Variants in ALK observed in about 807,000 individuals in gnomAD.
ALK encodes the protein ALK receptor tyrosine kinase, also known as ALK tyrosine kinase receptor.
Under a neutral mutation model 163.1 loss-of-function variants are expected in ALK, and 74 were observed. The observed-to-expected ratio is 0.45, with a 90% confidence interval of 0.38 to 0.55. The LOEUF (loss-of-function observed/expected upper bound fraction) is 0.55, where lower values mean the gene tolerates loss of function less well. Among genes scored for constraint, ALK ranks in the 20% least tolerant of loss-of-function variants. The pLI is 0.00. For missense variants in ALK, 2,063 were observed against 2,105.3 expected (o/e 0.98, Z 0.39); for synonymous variants, 960 against 843.2 (o/e 1.14, Z -2.40).
intron 4 of ALK, among the ~76,000 whole-genome samples, chr2:29,495,577 A>C (rs2148127840): frequency 6.6e-6 from 1 of 152,316 alleles, no homozygotes; most frequent in African/African-American, 2.4e-5. Flanking sequence ...CTCCCTGATT[A>C]GACTCACCTC....
At chr2:29,337,850 T>G (rs1667668588) in intron 5 of ALK, among the ~76,000 whole-genome samples, 1 of 152,168 alleles carries the variant, frequency 6.6e-6, no homozygotes, top group Non-Finnish European at 1.5e-5. Context: ...CAGTTTGTGT[T>G]GATGAGCTGC....
chr2:29,595,394 C>T (rs1451560568), intron 3 of ALK, among the ~76,000 whole-genome samples: 1 of 150,210 alleles, frequency 6.7e-6, no homozygotes, highest in African/African-American at 2.5e-5. Flanking sequence ...GATCTCGGCT[C>T]ACTGCAAGCT....
chr2:29,871,706 A>G (rs7572408), intron 1 of ALK, among the ~76,000 whole-genome samples: 70,514 of 151,962 alleles, frequency 0.46, 17,165 homozygotes, highest in African/African-American at 0.5. Context: ...CCCCTCCCCC[A>G]CAAAAATACA....
At chr2:29,277,815 A>G (rs1665586376) in intron 9 of ALK, among the ~76,000 whole-genome samples, 1 of 152,254 alleles carries the variant, frequency 6.6e-6, no homozygotes, top group Non-Finnish European at 1.5e-5. Flanking sequence ...CCACTCTGGC[A>G]CTGGGGTGTA....
At chr2:29,597,200 A>C (rs1412713507) in intron 3 of ALK, among the ~76,000 whole-genome samples, 1 of 152,216 alleles carries the variant, frequency 6.6e-6, no homozygotes, top group Non-Finnish European at 1.5e-5. Context: ...GATTGGAAGG[A>C]AAGGGAAAGT....
intron 1 of ALK, among the ~76,000 whole-genome samples, chr2:29,801,713 G>C (rs890064203): frequency 1.3e-5 from 2 of 152,102 alleles, no homozygotes; most frequent in Admixed American, 6.5e-5. Flanking sequence ...CCATTTGCTA[G>C]TGCAAACCAT....
chr2:29,356,923 T>A (rs1435446640), intron 5 of ALK, among the ~76,000 whole-genome samples: 4 of 142,274 alleles, frequency 2.8e-5, no homozygotes, highest in Non-Finnish European at 6.3e-5. Flanking sequence ...AGCTTCCCCA[T>A]CCAGCCCATG....
chr2:29,659,397 G>A (rs1158670426), intron 3 of ALK, among the ~76,000 whole-genome samples: 2 of 152,166 alleles, frequency 1.3e-5, no homozygotes, highest in East Asian at 3.9e-4. Context: ...TCTGCCTGGG[G>A]AAGGTGGGCT....
At chr2:29,515,742 C>T (rs1672643440) in intron 4 of ALK, among the ~76,000 whole-genome samples, 1 of 152,118 alleles carries the variant, frequency 6.6e-6, no homozygotes, top group Non-Finnish European at 1.5e-5. Context: ...AACCTGTAAC[C>T]AACTTTAGAA....
At chr2:29,279,540 T>C (rs1665653885) in intron 9 of ALK, among the ~76,000 whole-genome samples, 1 of 152,098 alleles carries the variant, frequency 6.6e-6, no homozygotes, top group Admixed American at 6.6e-5. Context: ...AGTCAGCAGG[T>C]AGAGCAGCAC....
At chr2:29,592,606 T>A (rs948937401) in intron 3 of ALK, among the ~76,000 whole-genome samples, 1 of 152,212 alleles carries the variant, frequency 6.6e-6, no homozygotes, top group African/African-American at 2.4e-5. Flanking sequence ...GTTGAATAAC[T>A]TATGAAACTA....
intron 4 of ALK, among the ~76,000 whole-genome samples, chr2:29,405,151 C>T (rs887593961): frequency 1.2e-4 from 18 of 152,148 alleles, no homozygotes; most frequent in African/African-American, 4.3e-4. Context: ...AAGCATCTGC[C>T]ACCCTACACA....
At chr2:29,321,262 G>T (rs930592435) in intron 6 of ALK, among the ~76,000 whole-genome samples, 1 of 152,156 alleles carries the variant, frequency 6.6e-6, no homozygotes, top group Non-Finnish European at 1.5e-5. Flanking sequence ...TCTAAATTCT[G>T]CACTCTTTAT....
chr2:29,381,071 A>G (rs888662027), intron 5 of ALK, among the ~76,000 whole-genome samples: 3 of 152,240 alleles, frequency 2.0e-5, no homozygotes, highest in Non-Finnish European at 4.4e-5. Flanking sequence ...CAAAGGCAGC[A>G]GAGGCTAGTG....
intron 3 of ALK, among the ~76,000 whole-genome samples, chr2:29,608,802 C>A (rs1675610349): frequency 1.3e-5 from 2 of 152,166 alleles, no homozygotes; most frequent in Admixed American, 6.5e-5. Context: ...AGAAATTTAC[C>A]CTTCACATTT....
Position 29,521,686 on chromosome 2 carries a change from G to A in ALK, c.1154+10229C>T, listed in dbSNP as rs1479195548. ...CTTTGAGGCTGGGCATGAATGCAGA[G>A]GGGAACTGGGCTACTAAGTGGGTCA... On this transcript the variant is annotated intron_variant, in intron 4 of 28. Transcript: ENST00000389048. Among the ~76,000 whole-genome samples, 5 of 152,208 alleles carry A rather than the reference G, an allele frequency of 3.3e-5. No homozygotes were observed. In the South Asian group the frequency reaches 6.2e-4, roughly 19 times the overall value.
intron 1 of ALK, among the ~76,000 whole-genome samples, chr2:29,911,704 A>G (rs556082092): frequency 1.3e-5 from 2 of 152,332 alleles, no homozygotes; most frequent in Non-Finnish European, 2.9e-5. Context: ...ACCACACCCA[A>G]CTCAGACCAA....
intron 4 of ALK, among the ~76,000 whole-genome samples, chr2:29,449,305 C>T (rs1670765104): frequency 6.6e-6 from 1 of 152,172 alleles, no homozygotes; most frequent in Non-Finnish European, 1.5e-5. Flanking sequence ...TAAACAATGT[C>T]CTCTGGGGGT....
At chr2:29,705,282 A>T (rs2541202) in intron 2 of ALK, among the ~76,000 whole-genome samples, 11,870 of 32,958 alleles carry the variant, frequency 0.36, 2,903 homozygotes, top group Middle Eastern at 0.45. Context: ...TATATATATA[A>T]ATATATATCT....
Sources: allele counts gnomAD v4.1 joint callset (sites outside exome capture counted in the v4.1 genomes callset), GRCh38; gene constraint gnomAD v4.1.1; transcripts MANE v1.5; gene names NCBI Gene and HGNC (gene_info 2026-07-23, HGNC 2026-07-21).